Variants in STXBP5 observed in about 807,000 individuals in gnomAD.
STXBP5 encodes syntaxin binding protein 5, also known as syntaxin-binding protein 5.
Under a neutral mutation model 152.4 loss-of-function variants are expected in STXBP5, and 50 were observed. The observed-to-expected ratio is 0.33, with a 90% CI of 0.26 to 0.42. The LOEUF (loss-of-function observed/expected upper bound fraction) is 0.42, where lower values mean the gene tolerates loss of function less well. Among genes scored for constraint, STXBP5 ranks in the 10% least tolerant of loss-of-function variants. The pLI is 1.00. For synonymous variants in STXBP5, 492 were observed against 494.7 expected (o/e 0.99, Z 0.07); for missense variants, 1,167 against 1,388.6 (o/e 0.84, Z 2.54).
rs1785590703 is a variant in STXBP5, at chr6:147,372,406, CCTTTTTTTTTTTTTTTTT to C, written c.3082-1324_3082-1307del. Among the ~76,000 whole-genome samples the C allele has an allele frequency of 9.0e-4, 35 of 39,106 alleles. 3 individuals carry two copies. Among genetic ancestry groups the C allele is most frequent in the East Asian group, 4.4e-3 (4 of 918 alleles). The allele number at this position is 39,106 out of a possible 152,430, so 25.7% of individuals were successfully genotyped here. ...ATATAAATGTTACTACCGTCCTTTT[CCTTTTTTTTTTTTTTTTT>C]TTTTTTTTTTTTTTTTTTTTTTTTT... On this transcript the variant is annotated intron_variant, in intron 25 of 27. Coordinates refer to ENST00000321680, the MANE Select transcript of STXBP5 (RefSeq NM_001127715.4).
chr6:147,331,637 T>C (rs1410859579), intron 18 of STXBP5, among the ~76,000 whole-genome samples: 2 of 152,162 alleles, frequency 1.3e-5, no homozygotes, highest in African/African-American at 4.8e-5. Flanking sequence ...TGACCACAAC[T>C]TCGTATGTGC....
At chr6:147,310,730 A>G (rs947997484) in intron 10 of STXBP5, among the ~76,000 whole-genome samples, 2 of 152,136 alleles carry the variant, frequency 1.3e-5, no homozygotes, top group East Asian at 1.9e-4. Context: ...TTGAGGCACA[A>G]TTGCGTTTTT....
At chr6:147,218,325 T>C (rs77045838) in intron 2 of STXBP5, among the ~76,000 whole-genome samples, 2,460 of 152,306 alleles carry the variant, frequency 0.016, 61 homozygotes, top group African/African-American at 0.055. Context: ...AGTTTTGTGC[T>C]GTTCTTCGTG....
Position 147,340,925 on chromosome 6 carries a change from C to G in STXBP5, c.2254+1541C>G, listed in dbSNP as rs568923141. On this transcript the variant is annotated intron_variant, in intron 21 of 27. Transcript: ENST00000321680. ...CTTATTGGTGAGTTTTACTTTTTGT[C>G]ACTCCAGTTTCTGTAGTTATATATT... is the stretch of plus-strand genomic sequence containing the variant. Among the ~76,000 whole-genome samples, 36 of 152,154 alleles carry G rather than the reference C, an allele frequency of 2.4e-4. No individual in the cohort carries two copies. The South Asian group carries it at 4.8e-3, about 20-fold the overall frequency.
At chr6:147,282,368 T>A (rs1780742987) in intron 8 of STXBP5, among the ~76,000 whole-genome samples, 1 of 152,236 alleles carries the variant, frequency 6.6e-6, no homozygotes, top group South Asian at 2.1e-4. Flanking sequence ...CTCACTTTTA[T>A]GAGTCTCAAA....
chr6:147,309,996 T>G, intron 9 of STXBP5, 88 bp from the exon 10 acceptor site: 1 of 930,094 alleles, frequency 1.1e-6, no homozygotes, highest in Non-Finnish European at 1.5e-6. Context: ...TAAGATTTTG[T>G]TATTTCACTA....
chr6:147,314,190 C>CAG, intron 12 of STXBP5, 74 bp from the exon 13 acceptor site: 2 of 1,349,350 alleles, frequency 1.5e-6, no homozygotes, highest in Middle Eastern at 1.8e-4. Flanking sequence ...TTTACACACA[C>CAG]ACACACACAC....
chr6:147,297,133 T>TA (rs1273435331), intron 9 of STXBP5, among the ~76,000 whole-genome samples: 2 of 152,104 alleles, frequency 1.3e-5, no homozygotes, highest in Non-Finnish European at 2.9e-5. Context: ...TCAAATAGAT[T>TA]AAATTCAAAA....
At chr6:147,358,301 C>T (rs966693909) in intron 22 of STXBP5, among the ~76,000 whole-genome samples, 2 of 151,718 alleles carry the variant, frequency 1.3e-5, no homozygotes, top group South Asian at 2.1e-4. Flanking sequence ...ATGGAAAAGA[C>T]TCACATTTGT....
chr6:147,204,758 C>T lies in STXBP5; in HGVS notation c.150+76C>T, dbSNP rs890299176. 6 of 1,393,862 alleles carry T rather than the reference C, an allele frequency of 4.3e-6. No individual in the cohort carries two copies. In the Admixed American group the frequency reaches 8.4e-5, roughly 20 times the overall value. 86.3% of individuals were successfully genotyped at this position (1,393,862 alleles called of 1,614,324 possible). ...TTTTAAGGGGGCTACTCGGGCTTTA[C>T]ATGGGAATGCAAGGGAAGAGAACGC... On this transcript the variant is annotated intron_variant, in intron 1 of 27. Coordinates refer to ENST00000321680, the MANE Select transcript of STXBP5 (RefSeq NM_001127715.4). The surrounding 1 kb of genome is among the most constrained non-coding windows in gnomAD (Gnocchi z 4.3).
At chr6:147,340,537 A>G (rs1784043400) in intron 21 of STXBP5, among the ~76,000 whole-genome samples, 1 of 152,040 alleles carries the variant, frequency 6.6e-6, no homozygotes, top group Non-Finnish European at 1.5e-5. Flanking sequence ...TTTATTGTGT[A>G]TTCTATCTTA....
chr6:147,336,977 A>G (rs1369250031), intron 19 of STXBP5, among the ~76,000 whole-genome samples: 6 of 152,088 alleles, frequency 3.9e-5, no homozygotes, highest in Admixed American at 1.3e-4. Flanking sequence ...TAATGCATAT[A>G]GTTTGCCCTT....
chr6:147,329,211 T>G (rs1260868833), intron 18 of STXBP5, among the ~76,000 whole-genome samples: 1 of 149,056 alleles, frequency 6.7e-6, no homozygotes, highest in African/African-American at 2.4e-5. Context: ...TTAAAAATAT[T>G]TTTTAAAATT....
chr6:147,282,065 A>G (rs954995626), intron 8 of STXBP5, among the ~76,000 whole-genome samples: 4 of 152,240 alleles, frequency 2.6e-5, no homozygotes, highest in Admixed American at 6.5e-5. Context: ...TCAAATAATC[A>G]AAATGGAAGT....
At chr6:147,224,418 CTG>C (rs1777609357) in intron 2 of STXBP5, among the ~76,000 whole-genome samples, 3 of 152,282 alleles carry the variant, frequency 2.0e-5, no homozygotes, top group Admixed American at 2.0e-4. Context: ...CAGACTGAGA[CTG>C]TGTCTCCAGA....
intron 9 of STXBP5, among the ~76,000 whole-genome samples, chr6:147,302,983 A>G (rs1054595847): frequency 6.6e-6 from 1 of 152,194 alleles, no homozygotes; most frequent in African/African-American, 2.4e-5. Context: ...CTATTTCATT[A>G]TAATGAATTT....
intron 9 of STXBP5, among the ~76,000 whole-genome samples, chr6:147,307,224 C>T (rs369384572): frequency 6.8e-4 from 103 of 152,234 alleles, no homozygotes; most frequent in African/African-American, 2.2e-3. Context: ...TCCAAACTGA[C>T]GTCTTTCTAA....
intron 11 of STXBP5, among the ~76,000 whole-genome samples, chr6:147,312,965 A>G (rs1782459367): frequency 6.6e-6 from 1 of 152,192 alleles, no homozygotes. Flanking sequence ...TAGCAAAAGT[A>G]TCAGTTAAAT....
chr6:147,262,150 C>A, intron 5 of STXBP5, 140 bp from the exon 6 acceptor site: 1 of 586,164 alleles, frequency 1.7e-6, no homozygotes, highest in South Asian at 2.4e-5. Context: ...AACTATATGC[C>A]TATTATTTAT....
Sources: gnomAD v4.1 joint callset for allele counts (sites outside exome capture counted in the v4.1 genomes callset) on GRCh38, gnomAD v4.1.1 for gene constraint, Gnocchi (gnomAD v3.1) non-coding constraint, MANE v1.5 for transcripts, NCBI Gene and HGNC (gene_info 2026-07-23, HGNC 2026-07-21) for gene names.